XPO4: variants seen among roughly 807,000 people sequenced by gnomAD.
XPO4 encodes exportin 4.
Under a neutral mutation model 143.0 loss-of-function variants are expected in XPO4, and 39 were observed. The observed-to-expected ratio is 0.27, with a 90% CI of 0.21 to 0.36. XPO4 has a LOEUF of 0.36. Ranked by LOEUF, XPO4 falls within the 10% of genes least tolerant of loss-of-function variation. The pLI, the probability that XPO4 is intolerant of heterozygous loss-of-function variation, is 1.00. For missense variants in XPO4, 907 were observed against 1,348.0 expected, an observed-to-expected ratio of 0.67 and a Z score of 5.12; for synonymous variants, 439 against 474.0, an observed-to-expected ratio of 0.93 and a Z score of 0.96.
rs554903174 is a variant in XPO4, at chr13:20,830,883, C to A, written c.728-3704G>T. On this transcript the variant is annotated intron_variant, in intron 6 of 22. Coordinates refer to ENST00000255305, the MANE Select transcript of XPO4 (RefSeq NM_022459.5). Reference sequence around the variant, plus strand: ...TTACCTAAAATATTGTTATTATTCACGTACATGCATTACTTTTCAATTTGA... The same window carrying A: ...TTACCTAAAATATTGTTATTATTCAAGTACATGCATTACTTTTCAATTTGA... Among the ~76,000 whole-genome samples the A allele has an allele frequency of 2.6e-5, 4 of 152,112 alleles. No homozygotes were observed. In the South Asian group the frequency reaches 8.3e-4, roughly 32 times the overall value.
At chr13:20,789,133 TAAGA>T (rs955192772) in intron 19 of XPO4, among the ~76,000 whole-genome samples, 5 of 152,198 alleles carry the variant, frequency 3.3e-5, no homozygotes, top group African/African-American at 1.2e-4. Context: ...TAACCACACT[TAAGA>T]AAAATACACA....
At chr13:20,880,122 G>C (rs2060392871) in intron 1 of XPO4, among the ~76,000 whole-genome samples, 1 of 152,112 alleles carries the variant, frequency 6.6e-6, no homozygotes, top group Admixed American at 6.6e-5. Context: ...TGTAGAAATG[G>C]TACAGCCAAA....
At chr13:20,797,194 A>G in intron 16 of XPO4, 137 bp from the exon 17 acceptor site, 1 of 831,052 alleles carries the variant, frequency 1.2e-6, no homozygotes, top group East Asian at 2.9e-5. Context: ...TATCTAAACC[A>G]GACTTTACAC....
chr13:20,842,622 C>T (rs1311710479), intron 6 of XPO4, among the ~76,000 whole-genome samples: 1 of 152,166 alleles, frequency 6.6e-6, no homozygotes, highest in African/African-American at 2.4e-5. Flanking sequence ...AAGAATAATG[C>T]TAATCCTGAA....
intron 22 of XPO4, among the ~76,000 whole-genome samples, chr13:20,786,543 C>T (rs1396401934): frequency 1.3e-5 from 2 of 152,072 alleles, no homozygotes; most frequent in East Asian, 3.9e-4. Flanking sequence ...AAATAATATA[C>T]TGTTTTCTAT....
intron 1 of XPO4, chr13:20,902,035 A>G (rs1379370087): frequency 1.0e-6 from 1 of 970,814 alleles, no homozygotes; most frequent in Non-Finnish European, 1.2e-6. Context: ...AGTAGCATAG[A>G]CTCAGTTCTC....
intron 1 of XPO4, among the ~76,000 whole-genome samples, chr13:20,898,844 G>C (rs368935216): frequency 5.9e-5 from 9 of 152,198 alleles, no homozygotes; most frequent in African/African-American, 2.2e-4. Context: ...TATACAAGAG[G>C]ATGTGCATAG....
At chr13:20,850,304 T>C in intron 4 of XPO4, 15 of 968,874 alleles carry the variant, frequency 1.5e-5, no homozygotes, top group Non-Finnish European at 1.8e-5. Flanking sequence ...TATTATCACA[T>C]TTATTTTACA....
intron 1 of XPO4, among the ~76,000 whole-genome samples, chr13:20,885,240 G>A (rs2060450404): frequency 1.3e-5 from 2 of 152,132 alleles, no homozygotes; most frequent in Non-Finnish European, 2.9e-5. Context: ...ATGAGCCACC[G>A]TGCCCAGCCA....
intron 1 of XPO4, among the ~76,000 whole-genome samples, chr13:20,870,108 G>A (rs1045388731): frequency 5.9e-3 from 530 of 89,724 alleles, no homozygotes; most frequent in East Asian, 0.02. Context: ...AAAAAAAAAA[G>A]AATTGTGTTA....
At chr13:20,838,684 T>C (rs921790261) in intron 6 of XPO4, among the ~76,000 whole-genome samples, 67 of 151,242 alleles carry the variant, frequency 4.4e-4, no homozygotes, top group African/African-American at 1.3e-3. Flanking sequence ...TGCAGTGGTG[T>C]GATGATAGAT....
Position 20,849,176 on chromosome 13 carries a change from A to G in XPO4, c.457-5290T>C, listed in dbSNP as rs2060059415. Reference sequence around the variant, plus strand: ...ATAATAGCCTGGCTCTTACCCCAGGAGCTTTATTACCAAGAATAAACTTTA... The same window carrying G: ...ATAATAGCCTGGCTCTTACCCCAGGGGCTTTATTACCAAGAATAAACTTTA... On this transcript the variant is annotated intron_variant, in intron 4 of 22. Coordinates refer to ENST00000255305, the MANE Select transcript of XPO4 (RefSeq NM_022459.5). 3 of 985,318 alleles carry G rather than the reference A, an allele frequency of 3.0e-6. No individual in the cohort carries two copies. In the African/African-American group the frequency reaches 5.2e-5, roughly 17 times the overall value. The allele number at this position is 985,318 out of a possible 1,614,324, so 61.0% of individuals were successfully genotyped here.
At chr13:20,855,907 A>G in intron 3 of XPO4, 142 bp from the exon 4 acceptor site, 1 of 879,242 alleles carries the variant, frequency 1.1e-6, no homozygotes, top group Non-Finnish European at 1.6e-6. Flanking sequence ...TACAGACTCC[A>G]AAGCCAGGAG....
At position 20,827,212 on chromosome 13, in the gene XPO4, T is replaced by G. The variant is rs778828282; in HGVS notation, c.728-33A>C. On this transcript the variant is annotated intron_variant, in intron 6 of 22. Transcript: ENST00000255305. ...GGTGTCAAGGTCAACAACAATAACA[T>G]TCTTACTTTGTCTAAAGTATAAGTA... The G allele has an allele frequency of 2.7e-6, 4 of 1,464,480 alleles. No homozygotes were observed. In the African/African-American group the frequency reaches 5.6e-5, roughly 20 times the overall value. 90.7% of individuals were successfully genotyped at this position (1,464,480 alleles called of 1,614,324 possible).
intron 9 of XPO4, among the ~76,000 whole-genome samples, chr13:20,820,785 A>G (rs2059709928): frequency 6.6e-6 from 1 of 152,302 alleles, no homozygotes; most frequent in African/African-American, 2.4e-5. Flanking sequence ...CGAGTTCTCT[A>G]TTCTCTGAAC....
In XPO4 at chr13:20,836,278, T is replaced by C. The variant is rs192885485; in HGVS notation, c.727+6617A>G. 3.9e-3 allele frequency among the ~76,000 whole-genome samples: 593 copies of C among 152,358 alleles called. 4 individuals are homozygous for C. The Middle Eastern group carries it at 0.054, about 14-fold the overall frequency. On this transcript the variant is annotated intron_variant, in intron 6 of 22. Coordinates refer to ENST00000255305, the MANE Select transcript of XPO4 (RefSeq NM_022459.5). ...AAACAGACTTCCATATGACCAACTA[T>C]GTTCTAACTGATATTCGGTGTAGAT...
Position 20,782,048 on chromosome 13 carries a change from A to G in XPO4, c.*1674T>C, listed in dbSNP as rs1226440403. On this transcript the variant is annotated 3_prime_UTR_variant, in exon 23 of 23. Coordinates refer to ENST00000255305, the MANE Select transcript of XPO4 (RefSeq NM_022459.5). ...CTCAAAGCTAATCAAATTGAGAGAA[A>G]TGTAAGTTATGGCCCAAGGCCCTGC... 1.3e-5 allele frequency: 2 copies of G among 152,346 alleles called. No homozygotes were observed. Among genetic ancestry groups the G allele is most frequent in the East Asian group, 3.9e-4 (2 of 5,188 alleles). The allele number at this position is 152,346 out of a possible 1,614,324, so 9.4% of individuals were successfully genotyped here. A position where few individuals can be genotyped will look rare whatever the true frequency, so the allele number is the denominator to read the frequency against.
chr13:20,784,111 C>T (rs1732755745), intron 22 of XPO4, among the ~76,000 whole-genome samples, 192 bp from the exon 23 acceptor site: 1 of 152,164 alleles, frequency 6.6e-6, no homozygotes, highest in Admixed American at 6.5e-5. Flanking sequence ...TCATTTACAA[C>T]AATGCTTCGA....
chr13:20,791,841 TACTTAA>T (rs1480601191), intron 18 of XPO4, among the ~76,000 whole-genome samples: 3 of 152,244 alleles, frequency 2.0e-5, no homozygotes, highest in African/African-American at 7.2e-5. Context: ...GATATGTGTC[TACTTAA>T]AATCCACTTG....
Sources: allele counts gnomAD v4.1 joint callset (sites outside exome capture counted in the v4.1 genomes callset), GRCh38; gene constraint gnomAD v4.1.1; transcripts MANE v1.5; gene names NCBI Gene and HGNC (gene_info 2026-07-23, HGNC 2026-07-21).